The following ARHGAP23 variants were observed in gnomAD, a reference collection of about 807,000 sequenced individuals.
ARHGAP23 encodes Rho GTPase activating protein 23, also known as rho GTPase-activating protein 23.
ARHGAP23 carries 34 observed loss-of-function variants against 136.3 expected under a neutral mutation model. The ratio of observed to expected loss-of-function variants is 0.25; its 90% CI spans 0.19 to 0.33. ARHGAP23 has a LOEUF of 0.33. ARHGAP23 is among the 10% of genes least tolerant of loss of function. The pLI is 1.00. For synonymous variants in ARHGAP23, 832 were observed against 920.5 expected, an observed-to-expected ratio of 0.90 and a Z score of 1.74; for missense variants, 1,808 against 2,139.0, an observed-to-expected ratio of 0.85 and a Z score of 3.05.
chr17:38,503,865 C>G (rs1277132989), intron 23 of ARHGAP23, among the ~76,000 whole-genome samples: 1 of 152,232 alleles, frequency 6.6e-6, no homozygotes, highest in Non-Finnish European at 1.5e-5. Flanking sequence ...ATCACAATCA[C>G]TAGCATGAGA....
rs2039909807 is a variant in ARHGAP23, at chr17:38,477,049, G to A, written c.2119-530G>A. Among the ~76,000 whole-genome samples, 1 of 152,176 alleles carries A rather than the reference G, an allele frequency of 6.6e-6. No individual in the cohort carries two copies. Among genetic ancestry groups the A allele is most frequent in the Non-Finnish European group, 1.5e-5 (1 of 68,024 alleles). ...AGATGCCGCTGAGGGGTTAAGGCAA[G>A]TTGGGGAGAAGCAGCCACTGGCTTT... is the stretch of plus-strand genomic sequence containing the variant. On this transcript the variant is annotated intron_variant, in intron 11 of 23. Coordinates refer to ENST00000622683, the MANE Select transcript of ARHGAP23 (RefSeq NM_001199417.2). The surrounding 1 kb of genome is among the most constrained non-coding windows in gnomAD (Gnocchi z 6.6).
chr17:38,465,692 GGAGGGACAGCTGGGCTCTGCCAGCC>G (rs2039573522), intron 6 of ARHGAP23, among the ~76,000 whole-genome samples: 1 of 152,176 alleles, frequency 6.6e-6, no homozygotes, highest in Admixed American at 6.5e-5. Flanking sequence ...TCCCGGGGAT[GGAGGGACAGCTGGGCTCTGCCAGCC>G]TCTGCCCCAC....
chr17:38,435,261 C>A (rs2038769525), intron 1 of ARHGAP23, among the ~76,000 whole-genome samples: 2 of 151,316 alleles, frequency 1.3e-5, no homozygotes. Flanking sequence ...GAGGCTGAGA[C>A]AGGAGGATTG....
intron 1 of ARHGAP23, 82 bp from the exon 2 acceptor site, chr17:38,458,020 C>A: frequency 6.7e-7 from 1 of 1,496,280 alleles, no homozygotes; most frequent in African/African-American, 1.4e-5. Flanking sequence ...CCCCTCCGGT[C>A]CTGTGGGCTG....
Position 38,510,302 on chromosome 17 carries a change from C to A in ARHGAP23, c.3806C>A (p.Ala1269Glu). The change falls in exon 24 of 24, where the codon GCA (alanine) becomes GAA (glutamate). Residue 1269 changes from alanine (A) to glutamate (E), a missense_variant. This residue lies in a region of ARHGAP23 where 506 missense variants were observed against 455.8 expected (regional missense o/e 1.11). Transcript: ENST00000622683. This position sits in a 1 kb window ranked among gnomAD's most constrained non-coding sequence, Gnocchi z 4.6. ...SVCSGASGRRAGAGDEADDER... is the reference protein window; with the variant it reads ...SVCSGASGRREGAGDEADDER... ...TGCTCGGGCGCTAGCGGTCGGCGGG[C>A]AGGGGCGGGGGATGAGGCGGACGAC... The A allele has an allele frequency of 7.8e-7, 1 of 1,283,056 alleles. No homozygotes were observed. Among genetic ancestry groups the A allele is most frequent in the South Asian group, 2.7e-5 (1 of 37,404 alleles). The allele number at this position is 1,283,056 out of a possible 1,614,324, so 79.5% of individuals were successfully genotyped here.
intron 10 of ARHGAP23, among the ~76,000 whole-genome samples, chr17:38,470,933 A>T (rs2039738967): frequency 6.7e-6 from 1 of 149,556 alleles, no homozygotes; most frequent in Non-Finnish European, 1.5e-5. Context: ...TCATACATAT[A>T]TTTTTCATGC....
In ARHGAP23 at chr17:38,466,656, GC is replaced by G. The variant is rs1274409243; in HGVS notation, c.979del (p.Arg327AlafsTer12). 4.6e-6 allele frequency: 7 copies of G among 1,511,526 alleles called. No individual in the cohort carries two copies. Among genetic ancestry groups the G allele is most frequent in the South Asian group, 2.5e-5 (2 of 78,544 alleles). The allele number at this position is 1,511,526 out of a possible 1,614,324, so 93.6% of individuals were successfully genotyped here. A position where few individuals can be genotyped will look rare whatever the true frequency, so the allele number is the denominator to read the frequency against. The part of the protein sequence containing the change: ...ASQDRLEEVA[A>X]PRPWPCSTSQ... ...CCAGGACCGGTTGGAGGAGGTGGCT[GC>G]CCCCCGCCCGTGGCCCTGCTCCACC... On this transcript the variant is annotated frameshift_variant, in exon 7 of 24. Transcript: ENST00000622683. LOFTEE classifies it high-confidence loss of function.
At chr17:38,447,044 C>T (rs1025739956) in intron 1 of ARHGAP23, among the ~76,000 whole-genome samples, 3 of 152,170 alleles carry the variant, frequency 2.0e-5, no homozygotes, top group Non-Finnish European at 2.9e-5. Context: ...CACTCCTGGC[C>T]TCCCAAACAC....
intron 23 of ARHGAP23, among the ~76,000 whole-genome samples, chr17:38,504,976 ATCTTTTTTTTTTTTTTTTTT>A (rs1277491267): frequency 2.8e-4 from 15 of 54,036 alleles, no homozygotes; most frequent in African/African-American, 7.6e-4. Context: ...CTCCCTTATC[ATCTTTTTTTTTTTTTTTTTT>A]TTTTTTTTTT....
In ARHGAP23 at chr17:38,467,014, G is replaced by C. The variant is rs892166407; in HGVS notation, c.1331G>C (p.Gly444Ala). 7.1e-6 allele frequency: 11 copies of C among 1,550,652 alleles called. No homozygotes were observed. The highest frequency in any genetic ancestry group is 2.7e-5 in the African/African-American group (2 of 73,040). The change falls in exon 7 of 24, where the codon GGG becomes GCG. Residue 444 changes from glycine to alanine, a missense_variant. Physicochemically the swap from Gly to Ala is moderately conservative, Grantham distance 60. Coordinates refer to ENST00000622683, the MANE Select transcript of ARHGAP23 (RefSeq NM_001199417.2). ...HALSFRDSPF[G>A]GLPTFNLAQS... ...CTCTCCTTCCGGGACTCACCCTTTG[G>C]GGGGCTGCCTACCTTCAACCTGGCC...
intron 1 of ARHGAP23, among the ~76,000 whole-genome samples, 170 bp downstream of exon 1, chr17:38,428,718 G>A (rs1443625999): frequency 6.6e-6 from 1 of 152,160 alleles, no homozygotes; most frequent in African/African-American, 2.4e-5. Context: ...GGCCCGGGAG[G>A]GGGCCCGAGC....
Position 38,428,477 on chromosome 17 carries a change from T to C in ARHGAP23, c.-9T>C, listed in dbSNP as rs764957820. On this transcript the variant is annotated 5_prime_UTR_variant, in exon 1 of 24. Transcript: ENST00000622683. ...CGTGCCCCGGCCGCAGAGCCGCCGCTGCCACCCGATGAATGGAGTCGCCTT... is the reference window on the plus strand; with the variant it reads ...CGTGCCCCGGCCGCAGAGCCGCCGCCGCCACCCGATGAATGGAGTCGCCTT... 7 of 1,438,460 alleles carry C rather than the reference T, an allele frequency of 4.9e-6. No individual in the cohort carries two copies. Among genetic ancestry groups the C allele is most frequent in the South Asian group, 1.4e-5 (1 of 73,286 alleles). The allele number at this position is 1,438,460 out of a possible 1,614,324, so 89.1% of individuals were successfully genotyped here. A position where few individuals can be genotyped will look rare whatever the true frequency, so the allele number is the denominator to read the frequency against.
chr17:38,482,609 C>T lies in ARHGAP23; in HGVS notation c.2838C>T (p.Asn946=), dbSNP rs2040071778. Residue 946 remains asparagine (N), a synonymous_variant, in exon 16 of 24, where the codon AAC becomes AAT. Transcript: ENST00000622683. ...ESTGIYRVPG[N]NAVVSSLQEQ... ...CAGGCATTTACCGAGTGCCCGGCAA[C>T]AATGCAGTGGTGTCCAGCCTACAGG... is the stretch of plus-strand genomic sequence containing the variant. 6.5e-7 allele frequency: 1 copy of T among 1,549,916 alleles called. No homozygotes were observed. Among genetic ancestry groups the T allele is most frequent in the African/African-American group, 1.4e-5 (1 of 72,998 alleles).
At chr17:38,464,652 C>A (rs772849406) in intron 6 of ARHGAP23, among the ~76,000 whole-genome samples, 1 of 152,226 alleles carries the variant, frequency 6.6e-6, no homozygotes, top group Middle Eastern at 3.2e-3. Context: ...ACAGCTCCCC[C>A]AGGCTGAGGC....
intron 1 of ARHGAP23, chr17:38,419,481 C>G (rs1478056913): frequency 7.0e-6 from 1 of 143,760 alleles, no homozygotes; most frequent in African/African-American, 2.6e-5. Flanking sequence ...GTGGGCGCGC[C>G]GAGCGCCGAG....
Position 38,477,736 on chromosome 17 carries a change from G to T in ARHGAP23, c.2276G>T (p.Gly759Val), listed in dbSNP as rs1326262089. Residue 759 changes from glycine (G) to valine (V), a missense_variant, in exon 12 of 24, where the codon GGC (glycine) becomes GTC (valine). Coordinates refer to ENST00000622683, the MANE Select transcript of ARHGAP23 (RefSeq NM_001199417.2). The surrounding 1 kb of genome is among the most constrained non-coding windows in gnomAD (Gnocchi z 6.6). Reference protein sequence around the residue: ...GEDEAAPVCIGSCLVDISYSE... With the variant: ...GEDEAAPVCIVSCLVDISYSE... The stretch of plus-strand genomic sequence containing the variant: ...GACGAGGCGGCGCCCGTCTGCATCG[G>T]CTCCTGCCTCGTGGACATCTCCTAC... 8 of 1,548,098 alleles carry T rather than the reference G, an allele frequency of 5.2e-6. No individual in the cohort carries two copies. Among genetic ancestry groups the T allele is most frequent in the African/African-American group, 1.4e-5 (1 of 72,896 alleles).
intron 4 of ARHGAP23, 44 bp downstream of exon 4, chr17:38,462,985 C>A: frequency 6.5e-7 from 1 of 1,543,142 alleles, no homozygotes; most frequent in Non-Finnish European, 8.8e-7. Context: ...TACCTTCTGG[C>A]TAGGATTTTA....
intron 1 of ARHGAP23, among the ~76,000 whole-genome samples, chr17:38,436,520 C>T (rs1376147579): frequency 1.3e-5 from 2 of 152,206 alleles, no homozygotes; most frequent in Admixed American, 6.5e-5. Context: ...GGGCTGGAGC[C>T]GAATCGAACC....
chr17:38,426,312 G>GA (rs1438536430), upstream of ARHGAP23, among the ~76,000 whole-genome samples: 6 of 152,004 alleles, frequency 3.9e-5, no homozygotes, highest in South Asian at 8.3e-4. Context: ...GGAGGCCGAG[G>GA]AGGGTGGATT....
Sources: gnomAD v4.1 joint callset for allele counts (sites outside exome capture counted in the v4.1 genomes callset) on GRCh38, gnomAD v4.1.1 for gene constraint, gnomAD v4.1.1 regional missense constraint, Gnocchi (gnomAD v3.1) non-coding constraint, MANE v1.5 for transcripts, NCBI Gene and HGNC (gene_info 2026-07-23, HGNC 2026-07-21) for gene names.